The following SYK variants were observed in gnomAD, a reference collection of about 807,000 sequenced individuals.
The protein encoded by SYK is tyrosine-protein kinase SYK.
Under a neutral mutation model 77.8 loss-of-function variants are expected in SYK, and 16 were observed. The observed-to-expected ratio is 0.21, with a 90% CI of 0.14 to 0.31. The LOEUF is 0.31. SYK is among the 10% of genes least tolerant of loss of function. The probability of loss-of-function intolerance (pLI) is 1.00; values close to 1 mark genes in which losing one functional copy is unlikely to be tolerated. For synonymous variants in SYK, 312 were observed against 308.7 expected (o/e 1.01, Z -0.11); for missense variants, 529 against 814.4 (o/e 0.65, Z 4.26).
chr9:90,815,094 T>A (rs975819227), intron 1 of SYK, among the ~76,000 whole-genome samples: 3 of 148,000 alleles, frequency 2.0e-5, no homozygotes, highest in African/African-American at 7.4e-5. Flanking sequence ...TCTCTTCGGT[T>A]AAAAAAAAAA....
intron 3 of SYK, among the ~76,000 whole-genome samples, chr9:90,850,527 A>AT (rs1554709693): frequency 1.3e-5 from 2 of 151,412 alleles, no homozygotes; most frequent in African/African-American, 4.8e-5. Flanking sequence ...AAAAATATAT[A>AT]TATTATTATT....
At chr9:90,825,131 A>C (rs755167702) in intron 1 of SYK, among the ~76,000 whole-genome samples, 9 of 152,028 alleles carry the variant, frequency 5.9e-5, no homozygotes, top group African/African-American at 9.7e-5. Flanking sequence ...AAAAAAAAAA[A>C]ACACAAGAAA....
chr9:90,843,888 G>A lies in SYK; in HGVS notation c.-11G>A, dbSNP rs761141392. 2.0e-6 allele frequency: 3 copies of A among 1,511,344 alleles called. No individual in the cohort carries two copies. In the African/African-American group the frequency reaches 4.2e-5, roughly 21 times the overall value. 93.6% of individuals were successfully genotyped at this position (1,511,344 alleles called of 1,614,324 possible). On this transcript the variant is annotated 5_prime_UTR_variant, in exon 2 of 14. Coordinates refer to ENST00000375754, the MANE Select transcript of SYK (RefSeq NM_003177.7). The stretch of plus-strand genomic sequence containing the variant: ...CACCTGCGCAGGTGTGTGCCCTCCG[G>A]CCCCTGAAGCATGGCCAGCAGCGGC...
At chr9:90,861,531 CTG>C (rs1202192097) in intron 3 of SYK, among the ~76,000 whole-genome samples, 10 of 36,120 alleles carry the variant, frequency 2.8e-4, no homozygotes, top group African/African-American at 2.2e-3. Context: ...AAGTCCAGCC[CTG>C]CCTCCCTTTC....
Position 90,865,041 on chromosome 9 carries a change from T to C in SYK, c.797-7T>C. 6.2e-7 allele frequency: 1 copy of C among 1,614,112 alleles called. No homozygotes were observed. Among genetic ancestry groups the C allele is most frequent in the Non-Finnish European group, 8.5e-7 (1 of 1,179,966 alleles). ...GAGCAGTAATTGTCCATGCTCTCTC[T>C]AACCAGGAAATGTTAATTTTGGAGG... On this transcript the variant is annotated splice_polypyrimidine_tract_variant and splice_region_variant and intron_variant, in intron 5 of 13. Coordinates refer to ENST00000375754, the MANE Select transcript of SYK (RefSeq NM_003177.7).
chr9:90,810,450 G>A (rs528583576), intron 1 of SYK, among the ~76,000 whole-genome samples: 1 of 151,944 alleles, frequency 6.6e-6, no homozygotes, highest in South Asian at 2.1e-4. Flanking sequence ...TTTAAATAAG[G>A]TCACACTCAG....
intron 13 of SYK, among the ~76,000 whole-genome samples, chr9:90,888,980 G>A (rs1220985895): frequency 1.3e-5 from 2 of 152,144 alleles, no homozygotes; most frequent in Non-Finnish European, 2.9e-5. Flanking sequence ...AGAAGCACTC[G>A]GTAGGGGATG....
At chr9:90,841,606 G>A (rs367757846) in intron 1 of SYK, among the ~76,000 whole-genome samples, 6 of 149,206 alleles carry the variant, frequency 4.0e-5, no homozygotes, top group Non-Finnish European at 6.0e-5. Context: ...GGTGTGTTTC[G>A]TGTGTGTTTT....
In SYK at chr9:90,896,993, C is replaced by G; in HGVS notation, c.*1393C>G. On this transcript the variant is annotated 3_prime_UTR_variant, in exon 14 of 14. Transcript: ENST00000375754. ...AGTGAGCCAAGATCATGCCACTGCA[C>G]TCCAGCTTGGGCATCACAGCGAGAC... The G allele has an allele frequency of 4.9e-6, 1 of 204,790 alleles. No individual in the cohort carries two copies. Among genetic ancestry groups the G allele is most frequent in the Admixed American group, 6.0e-5 (1 of 16,790 alleles). 12.7% of individuals were successfully genotyped at this position (204,790 alleles called of 1,614,324 possible).
intron 1 of SYK, among the ~76,000 whole-genome samples, chr9:90,803,730 T>A (rs1416737128): frequency 6.6e-6 from 1 of 152,166 alleles, no homozygotes; most frequent in Non-Finnish European, 1.5e-5. Flanking sequence ...TATTTTGGAA[T>A]TCAAGCTTTT....
chr9:90,862,171 G>T (rs200780774), intron 3 of SYK, 35 bp from the exon 4 acceptor site: 10 of 1,562,780 alleles, frequency 6.4e-6, no homozygotes, highest in Non-Finnish European at 8.7e-6. Flanking sequence ...AGACTGGCGG[G>T]CCTGGGGATG....
chr9:90,883,695 C>A (rs971700065), intron 11 of SYK, among the ~76,000 whole-genome samples: 1 of 152,100 alleles, frequency 6.6e-6, no homozygotes, highest in Non-Finnish European at 1.5e-5. Flanking sequence ...GCATGACATC[C>A]TGTTGCAGCC....
At position 90,897,460 on chromosome 9, in the gene SYK, T is replaced by G. The variant is rs1829033581; in HGVS notation, c.*1860T>G. Reference sequence around the variant, plus strand: ...AAATTATGAAAGGAGTGGTTGGATGTGCCAAGTTTGGTAAAGTGGTGACTG... The same window carrying G: ...AAATTATGAAAGGAGTGGTTGGATGGGCCAAGTTTGGTAAAGTGGTGACTG... On this transcript the variant is annotated 3_prime_UTR_variant, in exon 14 of 14. Coordinates refer to ENST00000375754, the MANE Select transcript of SYK (RefSeq NM_003177.7). 4.3e-6 allele frequency: 1 copy of G among 232,394 alleles called. No homozygotes were observed. The highest frequency in any genetic ancestry group is 8.5e-6 in the Non-Finnish European group (1 of 117,594). The allele number at this position is 232,394 out of a possible 1,614,324, so 14.4% of individuals were successfully genotyped here. A position where few individuals can be genotyped will look rare whatever the true frequency, so the allele number is the denominator to read the frequency against.
intron 1 of SYK, among the ~76,000 whole-genome samples, chr9:90,814,254 G>T (rs1308942678): frequency 3.9e-5 from 6 of 152,154 alleles, no homozygotes; most frequent in African/African-American, 1.4e-4. Flanking sequence ...ACAGACTCTG[G>T]TCCTGGCGGT....
At chr9:90,817,613 T>C (rs1825334022) in intron 1 of SYK, among the ~76,000 whole-genome samples, 1 of 152,244 alleles carries the variant, frequency 6.6e-6, no homozygotes, top group South Asian at 2.1e-4. Flanking sequence ...GTGATTATTC[T>C]GTTAAGTTCT....
chr9:90,895,781 G>T lies in SYK; in HGVS notation c.*181G>T, dbSNP rs200443955. ...AGGACTCACCCTCCACAAAGCAAAG[G>T]CAGTCCCGGGAGAAAAGACGGATGG... On this transcript the variant is annotated 3_prime_UTR_variant, in exon 14 of 14. Coordinates refer to ENST00000375754, the MANE Select transcript of SYK (RefSeq NM_003177.7). The surrounding 1 kb of genome is among the most constrained non-coding windows in gnomAD (Gnocchi z 4.4). 65 of 563,874 alleles carry T rather than the reference G, an allele frequency of 1.2e-4. No individual in the cohort carries two copies. The highest frequency in any genetic ancestry group is 4.4e-4 in the South Asian group (19 of 43,348). The allele number at this position is 563,874 out of a possible 1,614,324, so 34.9% of individuals were successfully genotyped here.
intron 1 of SYK, among the ~76,000 whole-genome samples, chr9:90,829,617 A>G (rs889919585): frequency 6.6e-6 from 1 of 152,154 alleles, no homozygotes; most frequent in African/African-American, 2.4e-5. Context: ...TACTTTCGTG[A>G]GCCATTTCTG....
chr9:90,864,956 C>T, intron 5 of SYK, 92 bp from the exon 6 acceptor site: 2 of 1,287,030 alleles, frequency 1.6e-6, no homozygotes, highest in South Asian at 2.4e-5. Flanking sequence ...AGCAGCAGCA[C>T]ATCCTGATCT....
chr9:90,819,757 C>T (rs1432492759), intron 1 of SYK, among the ~76,000 whole-genome samples: 1 of 152,070 alleles, frequency 6.6e-6, no homozygotes. Context: ...AATCTCATGT[C>T]CTCAAATTTC....
Sources: allele counts gnomAD v4.1 joint callset (sites outside exome capture counted in the v4.1 genomes callset), GRCh38; gene constraint gnomAD v4.1.1; non-coding constraint Gnocchi (gnomAD v3.1); transcripts MANE v1.5; gene names NCBI Gene and HGNC (gene_info 2026-07-23, HGNC 2026-07-21).